Variants in MORC1 observed in about 807,000 individuals in gnomAD.
MORC1 encodes the protein MORC family CW-type zinc finger 1, also known as MORC family CW-type zinc finger protein 1.
A neutral mutation model predicts 134.9 loss-of-function variants in MORC1; 59 were observed. The observed-to-expected ratio is 0.44, with a 90% CI of 0.35 to 0.54. The LOEUF (loss-of-function observed/expected upper bound fraction) is 0.54, where lower values mean the gene tolerates loss of function less well. MORC1 is among the 20% of genes least tolerant of loss of function. The probability of loss-of-function intolerance (pLI) is 0.00; values close to 1 mark genes in which losing one functional copy is unlikely to be tolerated. For missense variants in MORC1, 947 were observed against 1,134.5 expected (o/e 0.83, Z 2.37); for synonymous variants, 395 against 391.7 (o/e 1.01, Z -0.10).
Position 109,062,000 on chromosome 3 carries a change from TAA to T in MORC1, c.952_953del (p.Leu318IlefsTer22), listed in dbSNP as rs1160835315. ...IKVNQCDRTS[L>X]SSAKDVLQRA... The stretch of plus-strand genomic sequence containing the variant: ...TTACATGTCGTACCTTGGCAGAAGA[TAA>T]AGAGGTTCTGTCACACTGGTTTACT... On this transcript the variant is annotated frameshift_variant, in exon 11 of 28. Transcript: ENST00000232603. LOFTEE classifies it high-confidence loss of function. 3 of 1,613,864 alleles carry T rather than the reference TAA, an allele frequency of 1.9e-6. No homozygotes were observed. The highest frequency in any genetic ancestry group is 1.6e-4 in the Middle Eastern group (1 of 6,076).
intron 4 of MORC1, among the ~76,000 whole-genome samples, chr3:109,102,880 C>G (rs377226056): frequency 6.6e-6 from 1 of 151,976 alleles, no homozygotes; most frequent in East Asian, 1.9e-4. Flanking sequence ...AATAAAAGAC[C>G]AAGAATACTT....
intron 17 of MORC1, among the ~76,000 whole-genome samples, chr3:109,011,800 C>T (rs1175436026): frequency 2.6e-5 from 4 of 152,090 alleles, no homozygotes; most frequent in Admixed American, 6.5e-5. Flanking sequence ...GGATTACAGG[C>T]GTGAGCCACT....
intron 12 of MORC1, among the ~76,000 whole-genome samples, chr3:109,059,477 TATC>T (rs1476531511): frequency 6.6e-6 from 1 of 152,148 alleles, no homozygotes; most frequent in Non-Finnish European, 1.5e-5. Context: ...GAAAGTGAGT[TATC>T]AGCTGTTCCT....
Position 108,979,478 on chromosome 3 carries a change from A to G in MORC1, c.2477+37T>C, listed in dbSNP as rs760164093. 2.5e-6 allele frequency: 4 copies of G among 1,604,806 alleles called. No individual in the cohort carries two copies. In the Admixed American group the frequency reaches 6.7e-5, roughly 27 times the overall value. ...GAGTTGTCACTGCTTAGAAAGTTAA[A>G]CAAAGCATGTGGAAATATGTGAGTA... On this transcript the variant is annotated intron_variant, in intron 24 of 27. Coordinates refer to ENST00000232603, the MANE Select transcript of MORC1 (RefSeq NM_014429.4).
At chr3:109,020,601 C>T (rs62272153) in intron 17 of MORC1, among the ~76,000 whole-genome samples, 3,219 of 152,016 alleles carry the variant, frequency 0.021, 69 homozygotes, top group Non-Finnish European at 0.03. Context: ...CCCGTCTCTA[C>T]TAAAAATACA....
chr3:109,024,175 T>C (rs1949022723), intron 17 of MORC1, among the ~76,000 whole-genome samples: 1 of 152,234 alleles, frequency 6.6e-6, no homozygotes, highest in Non-Finnish European at 1.5e-5. Flanking sequence ...GTTGCTACTG[T>C]AAATGTTCTT....
chr3:109,054,594 T>G, intron 14 of MORC1, 134 bp downstream of exon 14: 1 of 772,268 alleles, frequency 1.3e-6, no homozygotes, highest in Non-Finnish European at 1.9e-6. Flanking sequence ...CTCACTCCTG[T>G]TTTTAAAGCA....
At chr3:109,099,326 T>TATG (rs776559793) in intron 6 of MORC1, 32 bp downstream of exon 6, 1 of 1,490,010 alleles carries the variant, frequency 6.7e-7, no homozygotes, top group Middle Eastern at 1.8e-4. Flanking sequence ...ACATCATTGC[T>TATG]ATGGGAACAG....
chr3:109,005,281 C>T lies in MORC1; in HGVS notation c.1802G>A (p.Gly601Asp). 2 of 1,598,814 alleles carry T rather than the reference C, an allele frequency of 1.3e-6. No individual in the cohort carries two copies. Among genetic ancestry groups the T allele is most frequent in the Non-Finnish European group, 1.7e-6 (2 of 1,176,248 alleles). The change falls in exon 19 of 28, where the codon GGC (glycine) becomes GAC (aspartate). Residue 601 changes from glycine (G) to aspartate (D), a missense_variant. Around this residue, in one of 3 missense-constraint regions of MORC1, gnomAD observed 722 missense variants for 817.0 expected, o/e 0.88. Transcript: ENST00000232603. ...NTKTQKIRLL[G>D]DDLKHESLSS... ...AAGAGATTCATGCTTCAAGTCATCGCCCAAAAGCCTGATTTTCTGGGTTTT... is the reference window on the plus strand; with the variant it reads ...AAGAGATTCATGCTTCAAGTCATCGTCCAAAAGCCTGATTTTCTGGGTTTT...
chr3:109,058,503 CATAAT>C (rs1241141238), intron 12 of MORC1, among the ~76,000 whole-genome samples: 1 of 151,986 alleles, frequency 6.6e-6, no homozygotes, highest in Admixed American at 6.6e-5. Context: ...TTATAATTGA[CATAAT>C]ATACTTATTG....
intron 14 of MORC1, among the ~76,000 whole-genome samples, chr3:109,052,735 C>T (rs1949857454): frequency 6.6e-6 from 1 of 152,162 alleles, no homozygotes; most frequent in Non-Finnish European, 1.5e-5. Context: ...ATGAATTACA[C>T]ATACTTCACC....
intron 10 of MORC1, 30 bp from the exon 11 acceptor site, chr3:109,062,088 C>T: frequency 1.9e-6 from 3 of 1,602,594 alleles, no homozygotes; most frequent in Middle Eastern, 1.7e-4. Flanking sequence ...AGTTATAACA[C>T]AGCAAAATTA....
intron 8 of MORC1, among the ~76,000 whole-genome samples, chr3:109,072,966 TACACAC>T (rs60720692): frequency 7.3e-6 from 1 of 136,838 alleles, no homozygotes; most frequent in East Asian, 2.0e-4. Context: ...CACACACACA[TACACAC>T]ACACACACAC....
chr3:108,977,770 T>C (rs1947601795), intron 24 of MORC1, among the ~76,000 whole-genome samples: 1 of 152,144 alleles, frequency 6.6e-6, no homozygotes, highest in African/African-American at 2.4e-5. Context: ...AAATACCACT[T>C]CTAGAAAAAT....
At chr3:109,112,689 C>T (rs1458993753) in intron 2 of MORC1, among the ~76,000 whole-genome samples, 2 of 152,222 alleles carry the variant, frequency 1.3e-5, no homozygotes, top group African/African-American at 4.8e-5. Flanking sequence ...CCTAATCTTT[C>T]AAGGAAGGCA....
chr3:109,066,074 T>A (rs1215273741), intron 9 of MORC1, among the ~76,000 whole-genome samples: 2 of 152,056 alleles, frequency 1.3e-5, no homozygotes, highest in African/African-American at 4.8e-5. Flanking sequence ...TTGGGTACCA[T>A]GCTCATTAGC....
intron 4 of MORC1, among the ~76,000 whole-genome samples, chr3:109,100,912 T>C (rs1003920581): frequency 6.6e-6 from 1 of 152,120 alleles, no homozygotes; most frequent in African/African-American, 2.4e-5. Flanking sequence ...AGGATATATA[T>C]AGGTTATACG....
intron 17 of MORC1, among the ~76,000 whole-genome samples, chr3:109,012,725 G>A (rs1292577292): frequency 6.6e-6 from 1 of 152,068 alleles, no homozygotes; most frequent in African/African-American, 2.4e-5. Context: ...CTAATATATA[G>A]AAAAAGTTAA....
intron 13 of MORC1, among the ~76,000 whole-genome samples, chr3:109,056,631 G>A (rs1459366259): frequency 6.6e-6 from 1 of 152,166 alleles, no homozygotes; most frequent in African/African-American, 2.4e-5. Flanking sequence ...CTTAGCAAAA[G>A]GAGCATTTAT....
Sources: allele counts gnomAD v4.1 joint callset (sites outside exome capture counted in the v4.1 genomes callset), GRCh38; gene constraint gnomAD v4.1.1; regional missense constraint gnomAD v4.1.1; transcripts MANE v1.5; gene names NCBI Gene and HGNC (gene_info 2026-07-23, HGNC 2026-07-21).